The following DNAH11 variants were observed in gnomAD, a reference collection of about 807,000 sequenced individuals.
DNAH11 encodes dynein axonemal heavy chain 11.
A neutral mutation model predicts 526.0 loss-of-function variants in DNAH11; 442 were observed. That is an observed-to-expected ratio of 0.84 (90% CI 0.78 to 0.91). The LOEUF is 0.91. Among genes scored for constraint, DNAH11 ranks in the 40% least tolerant of loss-of-function variants. DNAH11 has a pLI of 0.00. For missense variants in DNAH11, 6,989 were observed against 5,448.7 expected (o/e 1.28, Z -8.90); for synonymous variants, 2,461 against 1,935.9 (o/e 1.27, Z -7.12).
chr7:21,889,239 T>C (rs114887210), intron 76 of DNAH11, among the ~76,000 whole-genome samples: 9,433 of 152,336 alleles, frequency 0.062, 319 homozygotes, highest in South Asian at 0.11. Context: ...TCAATTCCTT[T>C]TAAGTCTGAA....
At chr7:21,653,131 C>T (rs1292634421) in intron 28 of DNAH11, among the ~76,000 whole-genome samples, 5 of 152,210 alleles carry the variant, frequency 3.3e-5, no homozygotes, top group Non-Finnish European at 5.9e-5. Context: ...CCGCCTTGGC[C>T]TCCCAAAGTG....
intron 45 of DNAH11, among the ~76,000 whole-genome samples, chr7:21,727,309 C>T (rs191815816): frequency 6.6e-6 from 1 of 152,162 alleles, no homozygotes; most frequent in African/African-American, 2.4e-5. Flanking sequence ...ATAATTTTTC[C>T]TAGAAAGTTT....
At chr7:21,640,686 G>A (rs567430571) in intron 28 of DNAH11, among the ~76,000 whole-genome samples, 25 of 151,852 alleles carry the variant, frequency 1.6e-4, no homozygotes, top group Non-Finnish European at 1.5e-4. Flanking sequence ...ATAATATCTC[G>A]GGCAGGTATC....
rs920669317 is a variant in DNAH11, at chr7:21,787,532, T to C, written c.9873T>C (p.Phe3291=). ...FNPNLIRTKS[F]AAAGLCAWVI... The stretch of plus-strand genomic sequence containing the variant: ...CAAACCTGATTCGAACCAAATCTTT[T>C]GCAGCAGCTGGCCTGTGTGCCTGGG... Residue 3291 remains phenylalanine, a synonymous_variant, in exon 60 of 82, where the codon TTT becomes TTC. Coordinates refer to ENST00000409508, the MANE Select transcript of DNAH11 (RefSeq NM_001277115.2). 6.2e-7 allele frequency: 1 copy of C among 1,613,610 alleles called. No individual in the cohort carries two copies. Among genetic ancestry groups the C allele is most frequent in the Admixed American group, 1.7e-5 (1 of 59,992 alleles).
At chr7:21,646,609 T>C (rs911112665) in intron 28 of DNAH11, among the ~76,000 whole-genome samples, 6 of 152,146 alleles carry the variant, frequency 3.9e-5, no homozygotes, top group African/African-American at 1.2e-4. Context: ...GTGAGGAAAC[T>C]ACCCAGGCCT....
chr7:21,662,249 C>T (rs937387314), intron 30 of DNAH11, among the ~76,000 whole-genome samples: 1 of 152,078 alleles, frequency 6.6e-6, no homozygotes, highest in African/African-American at 2.4e-5. Context: ...ATACATTTTC[C>T]TCAGTAGTTT....
At position 21,750,432 on chromosome 7, in the gene DNAH11, G is replaced by C. The variant is rs1786365009; in HGVS notation, c.8940+68G>C. On this transcript the variant is annotated intron_variant, in intron 54 of 81. Transcript: ENST00000409508. ...TATTGCAACTCTCTGGTTCTATTCT[G>C]AGTTTTTTATTATGAGTTTGAATTT... 4 of 1,525,622 alleles carry C rather than the reference G, an allele frequency of 2.6e-6. No homozygotes were observed. In the African/African-American group the frequency reaches 4.2e-5, roughly 16 times the overall value. 94.5% of individuals were successfully genotyped at this position (1,525,622 alleles called of 1,614,324 possible). A position where few individuals can be genotyped will look rare whatever the true frequency, so the allele number is the denominator to read the frequency against.
intron 30 of DNAH11, among the ~76,000 whole-genome samples, chr7:21,673,814 C>CCTATTTCTACCACTTGATTGAGT (rs1376192910): frequency 3.3e-5 from 5 of 152,102 alleles, no homozygotes; most frequent in Non-Finnish European, 7.4e-5. Flanking sequence ...ATCACCACAA[C>CCTATTTCTACCACTTGATTGAGT]CTATTTCTAC....
intron 29 of DNAH11, among the ~76,000 whole-genome samples, chr7:21,656,701 C>A (rs1562733342): frequency 1.3e-5 from 2 of 152,164 alleles, no homozygotes; most frequent in Non-Finnish European, 1.5e-5. Context: ...TAGTGGAGAA[C>A]CATTTGGGTT....
At chr7:21,602,156 A>G (rs1432109901) in intron 18 of DNAH11, among the ~76,000 whole-genome samples, 1 of 152,012 alleles carries the variant, frequency 6.6e-6, no homozygotes, top group Non-Finnish European at 1.5e-5. Context: ...CCTGGCCAAC[A>G]TGCTGAAACC....
chr7:21,600,533 AG>A, intron 15 of DNAH11, 142 bp from the exon 16 acceptor site: 1 of 990,360 alleles, frequency 1.0e-6, no homozygotes, highest in Non-Finnish European at 1.4e-6. Flanking sequence ...CACAGGGAAA[AG>A]AGAAGTTGGA....
At chr7:21,712,577 A>G (rs1784503565) in intron 42 of DNAH11, among the ~76,000 whole-genome samples, 1 of 152,218 alleles carries the variant, frequency 6.6e-6, no homozygotes, top group Admixed American at 6.5e-5. Context: ...GCTAATGGGC[A>G]TGAGGTGATA....
At chr7:21,853,344 T>C (rs16873030) in intron 67 of DNAH11, among the ~76,000 whole-genome samples, 7,651 of 152,324 alleles carry the variant, frequency 0.05, 228 homozygotes, top group Middle Eastern at 0.11. Flanking sequence ...GCTGTGTCAC[T>C]ACGCATCCTT....
intron 66 of DNAH11, among the ~76,000 whole-genome samples, chr7:21,850,731 G>GT (rs756062009): frequency 5.7e-4 from 85 of 150,182 alleles, no homozygotes; most frequent in Non-Finnish European, 3.4e-4. Flanking sequence ...TTAGTGTGAG[G>GT]TTTTATGTTT....
Position 21,543,340 on chromosome 7 carries a change from C to G in DNAH11, c.95C>G (p.Ala32Gly). The change falls in exon 1 of 82, where the codon GCT becomes GGT. Residue 32 changes from alanine to glycine, a missense_variant. Ala to Gly is a moderately conservative substitution (Grantham distance 60). Coordinates refer to ENST00000409508, the MANE Select transcript of DNAH11 (RefSeq NM_001277115.2). ...GGGGCCGGCCTGGAGGCAGTGGGCGCTGTGGAGCTCGAGGAGGAGGAGGAG... is the reference window on the plus strand; with the variant it reads ...GGGGCCGGCCTGGAGGCAGTGGGCGGTGTGGAGCTCGAGGAGGAGGAGGAG... ...TSGAGLEAVG[A>G]VELEEEEENE... The G allele has an allele frequency of 6.4e-7, 1 of 1,551,092 alleles. No individual in the cohort carries two copies. The highest frequency in any genetic ancestry group is 1.4e-5 in the African/African-American group (1 of 73,170).
At chr7:21,619,904 TATTG>T (rs1200333206) in intron 24 of DNAH11, 48 bp from the exon 25 acceptor site, 11 of 1,501,778 alleles carry the variant, frequency 7.3e-6, no homozygotes, top group African/African-American at 1.4e-5. Flanking sequence ...ATAGTCTACA[TATTG>T]ATTATCAATT....
At chr7:21,804,973 A>G (rs1182508473) in intron 62 of DNAH11, among the ~76,000 whole-genome samples, 1 of 152,074 alleles carries the variant, frequency 6.6e-6, no homozygotes, top group Non-Finnish European at 1.5e-5. Context: ...CTCTTGCCCC[A>G]TCTTCACTGG....
At chr7:21,573,846 C>T (rs1216881709) in intron 8 of DNAH11, among the ~76,000 whole-genome samples, 1 of 152,112 alleles carries the variant, frequency 6.6e-6, no homozygotes, top group Non-Finnish European at 1.5e-5. Context: ...GCCATTCTGC[C>T]CTTTGGTATA....
chr7:21,753,911 C>G (rs1452544889), intron 54 of DNAH11, among the ~76,000 whole-genome samples: 1 of 152,116 alleles, frequency 6.6e-6, no homozygotes, highest in African/African-American at 2.4e-5. Context: ...CTTCAGGGTA[C>G]AATGTCTTTT....
Sources: allele counts gnomAD v4.1 joint callset (sites outside exome capture counted in the v4.1 genomes callset), GRCh38; gene constraint gnomAD v4.1.1; transcripts MANE v1.5; gene names NCBI Gene and HGNC (gene_info 2026-07-23, HGNC 2026-07-21).